MTUS2: variants seen among roughly 807,000 people sequenced by gnomAD.
MTUS2 encodes microtubule-associated tumor suppressor candidate 2.
Under a neutral mutation model 114.1 loss-of-function variants are expected in MTUS2, and 40 were observed. The ratio of observed to expected loss-of-function variants is 0.35; its 90% CI spans 0.27 to 0.46. MTUS2 has a LOEUF of 0.46. MTUS2 is among the 20% of genes least tolerant of loss of function. The probability of loss-of-function intolerance (pLI) is 1.00; values close to 1 mark genes in which losing one functional copy is unlikely to be tolerated. For synonymous variants in MTUS2, 688 were observed against 672.0 expected (o/e 1.02, Z -0.37); for missense variants, 1,679 against 1,705.4 (o/e 0.98, Z 0.27).
intron 5 of MTUS2, among the ~76,000 whole-genome samples, chr13:29,245,766 C>T (rs4636762): frequency 0.24 from 35,804 of 150,252 alleles, 4,459 homozygotes; most frequent in Middle Eastern, 0.34. Flanking sequence ...GCACGACCTC[C>T]GCTCACTGCA....
At chr13:28,842,042 T>C (rs1227431454) in intron 2 of MTUS2, among the ~76,000 whole-genome samples, 1 of 152,136 alleles carries the variant, frequency 6.6e-6, no homozygotes, top group Non-Finnish European at 1.5e-5. Context: ...CCTCTATGTG[T>C]ATGGTGGAGG....
At chr13:28,973,304 C>T (rs56066174) in intron 2 of MTUS2, among the ~76,000 whole-genome samples, 8,253 of 152,188 alleles carry the variant, frequency 0.054, 768 homozygotes, top group African/African-American at 0.19. Context: ...AGGTATCCTA[C>T]AGGCTGTCTT....
intron 2 of MTUS2, among the ~76,000 whole-genome samples, chr13:28,971,071 C>T (rs916841493): frequency 6.6e-6 from 1 of 152,210 alleles, no homozygotes; most frequent in Non-Finnish European, 1.5e-5. Flanking sequence ...ATTATATGCT[C>T]TTCATCCCTG....
chr13:29,003,398 C>T (rs1033482889), intron 2 of MTUS2, among the ~76,000 whole-genome samples: 2 of 152,192 alleles, frequency 1.3e-5, no homozygotes, highest in African/African-American at 4.8e-5. Flanking sequence ...TCTGTGCTAG[C>T]CTCACTGGAT....
intron 10 of MTUS2, chr13:29,483,849 C>T (rs981079948): frequency 6.6e-6 from 1 of 152,262 alleles, no homozygotes; most frequent in African/African-American, 2.4e-5. Context: ...GCAAAACAGA[C>T]TCACTGTAAA....
intron 2 of MTUS2, among the ~76,000 whole-genome samples, chr13:28,988,687 C>T (rs545388927): frequency 1.2e-3 from 185 of 152,128 alleles, no homozygotes; most frequent in African/African-American, 4.1e-3. Flanking sequence ...CCTTTTAACA[C>T]GAAAATGTTA....
chr13:29,305,787 T>C (rs1045549809), intron 6 of MTUS2, among the ~76,000 whole-genome samples: 1 of 152,208 alleles, frequency 6.6e-6, no homozygotes, highest in African/African-American at 2.4e-5. Flanking sequence ...ACTCATTCTA[T>C]GAGGCCAGCG....
intron 4 of MTUS2, among the ~76,000 whole-genome samples, chr13:29,041,400 T>C (rs1887350304): frequency 6.6e-6 from 1 of 152,220 alleles, no homozygotes; most frequent in African/African-American, 2.4e-5. Context: ...AGATTTGTTC[T>C]TTTTGCTTAG....
At chr13:29,343,634 G>C (rs1868382908) in intron 7 of MTUS2, among the ~76,000 whole-genome samples, 2 of 151,618 alleles carry the variant, frequency 1.3e-5, no homozygotes, top group South Asian at 4.2e-4. Context: ...GTATTATTTT[G>C]TCTTTCAATT....
chr13:29,104,082 T>TA (rs1175812931), intron 5 of MTUS2, among the ~76,000 whole-genome samples: 3 of 152,158 alleles, frequency 2.0e-5, no homozygotes, highest in African/African-American at 7.2e-5. Context: ...CTGTTCCACA[T>TA]AGAGTCCGCA....
chr13:29,410,111 C>T (rs1217875811), intron 8 of MTUS2, among the ~76,000 whole-genome samples: 7 of 139,490 alleles, frequency 5.0e-5, no homozygotes, highest in South Asian at 2.5e-4. Context: ...CCTTGCCCAT[C>T]GAATATGCTG....
At chr13:29,077,421 A>G (rs1367134164) in intron 4 of MTUS2, among the ~76,000 whole-genome samples, 1 of 152,226 alleles carries the variant, frequency 6.6e-6, no homozygotes, top group African/African-American at 2.4e-5. Flanking sequence ...CCCAAACAAT[A>G]TATTGCCCTG....
At chr13:29,458,384 G>A (rs191162770) in intron 9 of MTUS2, among the ~76,000 whole-genome samples, 22 of 152,260 alleles carry the variant, frequency 1.4e-4, no homozygotes, top group African/African-American at 4.1e-4. Flanking sequence ...TGTCTGTTCC[G>A]CATAAAAGTA....
chr13:29,024,679 G>T lies in MTUS2; in HGVS notation c.-20G>T. 6.2e-7 allele frequency: 1 copy of T among 1,610,394 alleles called. No individual in the cohort carries two copies. The highest frequency in any genetic ancestry group is 8.5e-7 in the Non-Finnish European group (1 of 1,178,228). On this transcript the variant is annotated 5_prime_UTR_variant, in exon 3 of 16. Transcript: ENST00000612955. ...ATTAAGTAGGACTGCATGGCAAGCAGCCCCACCAAAGGGTTGACAATGAGC... is the reference window on the plus strand; with the variant it reads ...ATTAAGTAGGACTGCATGGCAAGCATCCCCACCAAAGGGTTGACAATGAGC...
intron 9 of MTUS2, among the ~76,000 whole-genome samples, chr13:29,441,161 CTG>C (rs1450589388): frequency 2.4e-4 from 36 of 152,240 alleles, no homozygotes; most frequent in Admixed American, 7.8e-4. Context: ...GACCCTGCTA[CTG>C]CTGCAGGGAC....
At chr13:29,460,364 G>T (rs1879397076) in intron 9 of MTUS2, among the ~76,000 whole-genome samples, 1 of 152,006 alleles carries the variant, frequency 6.6e-6, no homozygotes, top group South Asian at 2.1e-4. Flanking sequence ...GGATTTGTTG[G>T]TTCTCCCCCA....
chr13:29,164,924 G>T (rs1893252405), intron 5 of MTUS2, among the ~76,000 whole-genome samples: 1 of 152,146 alleles, frequency 6.6e-6, no homozygotes, highest in South Asian at 2.1e-4. Flanking sequence ...CTTATTTAAG[G>T]TAGAAATGTA....
rs1880184307 is a variant in MTUS2 at position 29,470,281 on chromosome 13, A to G, written c.3185-9869A>G. Among the ~76,000 whole-genome samples, 7 of 152,208 alleles carry G rather than the reference A, an allele frequency of 4.6e-5. No homozygotes were observed. The South Asian group carries it at 1.4e-3, about 32-fold the overall frequency. On this transcript the variant is annotated intron_variant, in intron 9 of 15. Coordinates refer to ENST00000612955, the MANE Select transcript of MTUS2 (RefSeq NM_001033602.4). ...TATCACTAATCATGAAAGGCTTATC[A>G]AAATTTAGCAGTCTTGAATTTTATA...
chr13:29,118,361 G>A (rs1208000809), intron 5 of MTUS2, among the ~76,000 whole-genome samples: 3 of 152,068 alleles, frequency 2.0e-5, no homozygotes, highest in Non-Finnish European at 4.4e-5. Flanking sequence ...TGGACACTGG[G>A]CTGGAACCTG....
Sources: allele counts gnomAD v4.1 joint callset (sites outside exome capture counted in the v4.1 genomes callset), GRCh38; gene constraint gnomAD v4.1.1; transcripts MANE v1.5; gene names NCBI Gene and HGNC (gene_info 2026-07-23, HGNC 2026-07-21).